The following HECW1 variants were observed in gnomAD, a reference collection of about 807,000 sequenced individuals.
The protein encoded by HECW1 is E3 ubiquitin-protein ligase HECW1.
A neutral mutation model predicts 182.3 loss-of-function variants in HECW1; 61 were observed. The observed-to-expected ratio is 0.33, with a 90% CI of 0.27 to 0.41. The LOEUF is 0.41. Among genes scored for constraint, HECW1 ranks in the 10% least tolerant of loss-of-function variants. The pLI, the probability that HECW1 is intolerant of heterozygous loss-of-function variation, is 1.00. For missense variants in HECW1, 1,739 were observed against 2,108.9 expected, an observed-to-expected ratio of 0.82 and a Z score of 3.44; for synonymous variants, 859 against 832.6, an observed-to-expected ratio of 1.03 and a Z score of -0.55.
At chr7:43,319,183 C>A (rs1018069655) in intron 4 of HECW1, among the ~76,000 whole-genome samples, 13 of 151,546 alleles carry the variant, frequency 8.6e-5, no homozygotes, top group Non-Finnish European at 1.8e-4. Context: ...GTCAGGAGAT[C>A]GAGACCATCC....
intron 8 of HECW1, among the ~76,000 whole-genome samples, chr7:43,420,576 C>A (rs966195701): frequency 6.6e-6 from 1 of 152,024 alleles, no homozygotes; most frequent in South Asian, 2.1e-4. Flanking sequence ...GTAAACAGTA[C>A]AAAACATTAC....
intron 3 of HECW1, chr7:43,274,296 C>T: frequency 1.9e-6 from 2 of 1,039,862 alleles, no homozygotes; most frequent in Middle Eastern, 3.2e-4. Flanking sequence ...GCTTCTGGTA[C>T]TTTGTATCTC....
At chr7:43,379,263 A>G (rs2074453801) in intron 6 of HECW1, among the ~76,000 whole-genome samples, 1 of 151,916 alleles carries the variant, frequency 6.6e-6, no homozygotes, top group Admixed American at 6.6e-5. Flanking sequence ...TTACACTTCC[A>G]TTTTCCTCAC....
intron 6 of HECW1, among the ~76,000 whole-genome samples, chr7:43,373,201 CTTTTTTTTTT>C (rs71562094): frequency 7.9e-6 from 1 of 125,998 alleles, no homozygotes. Context: ...TGCCTTCTTC[CTTTTTTTTTT>C]TTTTTTTTTT....
chr7:43,299,634 C>A (rs566660328), intron 3 of HECW1, among the ~76,000 whole-genome samples: 1 of 152,306 alleles, frequency 6.6e-6, no homozygotes, highest in Admixed American at 6.5e-5. Flanking sequence ...TCAGAAGAGA[C>A]TTTCTGTTAA....
chr7:43,511,500 T>G (rs1343667145), intron 24 of HECW1: 1 of 152,348 alleles, frequency 6.6e-6, no homozygotes, highest in South Asian at 2.1e-4. Context: ...TCAGATTGTA[T>G]CATGACCCTC....
At chr7:43,351,141 G>T (rs1814381478) in intron 5 of HECW1, among the ~76,000 whole-genome samples, 1 of 152,086 alleles carries the variant, frequency 6.6e-6, no homozygotes, top group Non-Finnish European at 1.5e-5. Context: ...CTTTCTTCTG[G>T]GTCTAGCCAC....
chr7:43,206,073 T>C (rs923795760), intron 2 of HECW1, among the ~76,000 whole-genome samples: 1 of 152,170 alleles, frequency 6.6e-6, no homozygotes, highest in Non-Finnish European at 1.5e-5. Flanking sequence ...GCTCTTTCTT[T>C]CTCCTCTTTA....
At chr7:43,221,259 T>C (rs1313716889) in intron 2 of HECW1, among the ~76,000 whole-genome samples, 1 of 152,126 alleles carries the variant, frequency 6.6e-6, no homozygotes, top group Admixed American at 6.5e-5. Context: ...TAGAAGAATG[T>C]GATGGTACCT....
At chr7:43,536,973 A>G (rs539449911) in intron 24 of HECW1, among the ~76,000 whole-genome samples, 3 of 152,354 alleles carry the variant, frequency 2.0e-5, no homozygotes, top group Admixed American at 1.3e-4. Context: ...CAGGCAGCGC[A>G]TGAACCACAC....
rs548528122 is a variant in HECW1, at chr7:43,319,136, C to G, written c.353-1499C>G. On this transcript the variant is annotated intron_variant, in intron 4 of 29. Transcript: ENST00000395891. ...GGCGCGGTGGCTCACGCCTGTAATC[C>G]CAGCACTTTGGGAGGCCGAGGCGGG... Among the ~76,000 whole-genome samples the G allele has an allele frequency of 3.4e-3, 521 of 152,190 alleles. 4 individuals carry two copies. The highest frequency in any genetic ancestry group is 0.012 in the African/African-American group (486 of 41,514).
At chr7:43,194,914 G>A (rs767457706) in intron 2 of HECW1, among the ~76,000 whole-genome samples, 4 of 152,014 alleles carry the variant, frequency 2.6e-5, no homozygotes, top group Non-Finnish European at 4.4e-5. Context: ...GTCTGGTGTC[G>A]AACTCCTGAC....
At chr7:43,449,892 C>T (rs2077176779) in intron 11 of HECW1, among the ~76,000 whole-genome samples, 1 of 152,224 alleles carries the variant, frequency 6.6e-6, no homozygotes, top group Non-Finnish European at 1.5e-5. Context: ...GCAGGCCTGC[C>T]TTCTGCATGG....
chr7:43,242,401 CA>C (rs536218459), intron 2 of HECW1, among the ~76,000 whole-genome samples: 61 of 152,128 alleles, frequency 4.0e-4, no homozygotes, highest in Non-Finnish European at 7.4e-4. Context: ...CTTGGTTGGA[CA>C]AAAAGGATGA....
chr7:43,484,865 T>C (rs921921806), intron 17 of HECW1, among the ~76,000 whole-genome samples: 3 of 152,178 alleles, frequency 2.0e-5, no homozygotes, highest in African/African-American at 4.8e-5. Flanking sequence ...GCCTTATCTC[T>C]CCTCAGAATG....
chr7:43,471,630 G>A (rs1467192469), intron 16 of HECW1, among the ~76,000 whole-genome samples: 1 of 152,178 alleles, frequency 6.6e-6, no homozygotes, highest in Admixed American at 6.5e-5. Context: ...GTCTGAGAAA[G>A]GAGGACAGAG....
chr7:43,126,234 A>G (rs763667940), intron 2 of HECW1, among the ~76,000 whole-genome samples: 6 of 151,888 alleles, frequency 4.0e-5, no homozygotes, highest in Admixed American at 2.6e-4. Flanking sequence ...CATTGTGCAA[A>G]CCTTCTTCAT....
intron 6 of HECW1, among the ~76,000 whole-genome samples, chr7:43,394,092 T>C (rs918007116): frequency 2.0e-5 from 3 of 152,198 alleles, no homozygotes; most frequent in Non-Finnish European, 4.4e-5. Context: ...TGGTGCAGTA[T>C]AGCACTGTGA....
intron 21 of HECW1, among the ~76,000 whole-genome samples, chr7:43,504,118 C>T (rs76087854): frequency 1.0e-3 from 154 of 152,302 alleles, no homozygotes; most frequent in African/African-American, 3.6e-3. Context: ...GCCTGTGGCC[C>T]CTGCCTTGTA....
Sources: allele counts gnomAD v4.1 joint callset (sites outside exome capture counted in the v4.1 genomes callset), GRCh38; gene constraint gnomAD v4.1.1; transcripts MANE v1.5; gene names NCBI Gene and HGNC (gene_info 2026-07-23, HGNC 2026-07-21).